Variants in SPTBN1 observed in about 807,000 individuals in gnomAD.
The protein encoded by SPTBN1 is spectrin beta chain, non-erythrocytic 1.
In SPTBN1, 32 loss-of-function variants were observed where a neutral mutation model predicts 266.4. That is an observed-to-expected ratio of 0.12 (90% CI 0.09 to 0.16). SPTBN1 has a LOEUF of 0.16. Ranked by LOEUF, SPTBN1 falls within the 10% of genes least tolerant of loss-of-function variation. SPTBN1 has a pLI of 1.00. For synonymous variants in SPTBN1, 1,336 were observed against 1,162.2 expected, an observed-to-expected ratio of 1.15 and a Z score of -3.04; for missense variants, 2,296 against 3,067.1, an observed-to-expected ratio of 0.75 and a Z score of 5.94.
intron 1 of SPTBN1, among the ~76,000 whole-genome samples, chr2:54,525,711 T>C (rs200064288): frequency 6.6e-6 from 1 of 152,126 alleles, no homozygotes; most frequent in Non-Finnish European, 1.5e-5. Context: ...ACGTAGGTGT[T>C]GATCTACCTC....
At chr2:54,463,635 G>T (rs899869571) in intron 1 of SPTBN1, among the ~76,000 whole-genome samples, 9 of 152,306 alleles carry the variant, frequency 5.9e-5, no homozygotes, top group Admixed American at 5.9e-4. Context: ...GCCAAATGAG[G>T]TAATTCAGCG....
chr2:54,495,232 G>A (rs1297116323), intron 1 of SPTBN1, among the ~76,000 whole-genome samples: 1 of 152,180 alleles, frequency 6.6e-6, no homozygotes, highest in African/African-American at 2.4e-5. Flanking sequence ...GCATTGTTTT[G>A]AAAGCGTTGT....
At chr2:54,600,307 A>G (rs1418753619) in intron 3 of SPTBN1, among the ~76,000 whole-genome samples, 4 of 152,196 alleles carry the variant, frequency 2.6e-5, no homozygotes, top group Non-Finnish European at 5.9e-5. Flanking sequence ...CAGTTCAAGA[A>G]CAGGGCTCTC....
chr2:54,609,513 A>C (rs1302510775), intron 3 of SPTBN1, among the ~76,000 whole-genome samples: 1 of 152,160 alleles, frequency 6.6e-6, no homozygotes, highest in African/African-American at 2.4e-5. Context: ...TAGTCCTCCC[A>C]GATTTTCCTG....
chr2:54,543,260 T>G (rs1419969042), intron 2 of SPTBN1, among the ~76,000 whole-genome samples: 1 of 152,168 alleles, frequency 6.6e-6, no homozygotes, highest in Non-Finnish European at 1.5e-5. Flanking sequence ...TGCAGGAACT[T>G]AAAATAATGT....
chr2:54,590,754 A>G (rs1328152470), intron 2 of SPTBN1, among the ~76,000 whole-genome samples: 1 of 152,232 alleles, frequency 6.6e-6, no homozygotes, highest in Non-Finnish European at 1.5e-5. Flanking sequence ...GGTTGGAACA[A>G]AAGACGGCAT....
chr2:54,642,911 C>G, intron 18 of SPTBN1, 72 bp from the exon 19 acceptor site: 1 of 1,556,868 alleles, frequency 6.4e-7, no homozygotes, highest in Non-Finnish European at 8.7e-7. Flanking sequence ...GACATAAACA[C>G]AACCCTTTCC....
At chr2:54,654,739 T>C (rs1485249156) in intron 27 of SPTBN1, among the ~76,000 whole-genome samples, 1 of 152,254 alleles carries the variant, frequency 6.6e-6, no homozygotes, top group Non-Finnish European at 1.5e-5. Flanking sequence ...AGAGAGTCTT[T>C]CTGACTTGCA....
At chr2:54,607,540 T>C (rs569326795) in intron 3 of SPTBN1, among the ~76,000 whole-genome samples, 3 of 152,122 alleles carry the variant, frequency 2.0e-5, no homozygotes, top group Non-Finnish European at 4.4e-5. Flanking sequence ...GAGAATCTCT[T>C]GAACCCAGGA....
At chr2:54,634,884 CA>C (rs1209669720) in intron 17 of SPTBN1, among the ~76,000 whole-genome samples, 1 of 152,176 alleles carries the variant, frequency 6.6e-6, no homozygotes, top group Non-Finnish European at 1.5e-5. Flanking sequence ...AGACTGTCCT[CA>C]GCCTGCCCCA....
chr2:54,667,731 C>T, intron 35 of SPTBN1, 85 bp downstream of exon 35: 1 of 1,238,756 alleles, frequency 8.1e-7, no homozygotes, highest in Middle Eastern at 2.1e-4. Context: ...GAAAGTTCTT[C>T]ATGTAAATGA....
chr2:54,668,424 C>T lies in SPTBN1; in HGVS notation c.6950C>T (p.Thr2317Ile). ...GATAAACACGAGGTGTCTGCCAGCA[C>T]CCAGAGCACGCCAGCATCCAGCCGC... is the stretch of plus-strand genomic sequence containing the variant. ...SSDKHEVSASTQSTPASSRAQ... is the reference protein window; with the variant it reads ...SSDKHEVSASIQSTPASSRAQ... Residue 2317 changes from threonine (T) to isoleucine (I), a missense_variant, in exon 36 of 36, where the codon ACC (threonine) becomes ATC (isoleucine). By Grantham distance (89) the Thr-to-Ile change is moderately conservative. This residue lies in a region of SPTBN1 where 347 missense variants were observed against 368.5 expected (regional missense o/e 0.94). Transcript: ENST00000356805. 6.2e-7 allele frequency: 1 copy of T among 1,614,186 alleles called. No individual in the cohort carries two copies. The highest frequency in any genetic ancestry group is 8.5e-7 in the Non-Finnish European group (1 of 1,180,032).
At chr2:54,517,395 A>G (rs1670166659) in intron 1 of SPTBN1, among the ~76,000 whole-genome samples, 2 of 150,176 alleles carry the variant, frequency 1.3e-5, no homozygotes, top group African/African-American at 5.1e-5. Context: ...TGGAAGATAA[A>G]ATAATTATGA....
intron 9 of SPTBN1, among the ~76,000 whole-genome samples, chr2:54,623,277 C>G (rs1256112121): frequency 6.6e-6 from 1 of 152,198 alleles, no homozygotes; most frequent in Non-Finnish European, 1.5e-5. Flanking sequence ...TTGACACCCT[C>G]AAATATAAAT....
intron 2 of SPTBN1, among the ~76,000 whole-genome samples, chr2:54,551,581 T>C (rs766500785): frequency 6.6e-6 from 1 of 152,236 alleles, no homozygotes; most frequent in African/African-American, 2.4e-5. Context: ...GCCGTTTTTC[T>C]CCTCAGCAGT....
intron 1 of SPTBN1, among the ~76,000 whole-genome samples, chr2:54,473,877 C>T (rs760737542): frequency 3.9e-5 from 6 of 152,180 alleles, no homozygotes; most frequent in Non-Finnish European, 8.8e-5. Context: ...CTGGCACAAG[C>T]TTATAGGACT....
chr2:54,505,701 T>A (rs1573293302), intron 1 of SPTBN1, among the ~76,000 whole-genome samples: 1 of 152,106 alleles, frequency 6.6e-6, no homozygotes, highest in South Asian at 2.1e-4. Flanking sequence ...GTACCTGGGG[T>A]GATTTAACTT....
At position 54,653,739 on chromosome 2, in the gene SPTBN1, G is replaced by T; in HGVS notation, c.5708G>T (p.Arg1903Leu). The T allele has an allele frequency of 2.5e-6, 4 of 1,614,208 alleles. No homozygotes were observed. The highest frequency in any genetic ancestry group is 3.4e-6 in the Non-Finnish European group (4 of 1,180,018). The change falls in exon 27 of 36, where the codon CGC becomes CTC. Residue 1903 changes from arginine to leucine, a missense_variant. Transcript: ENST00000356805. This position sits in a 1 kb window ranked among gnomAD's most constrained non-coding sequence, Gnocchi z 5.1. ...WKSLLDACESRRVRLVDTGDK... is the reference protein window; with the variant it reads ...WKSLLDACESLRVRLVDTGDK... ...TCCCTCCTGGACGCCTGTGAGAGCC[G>T]CAGGGTGCGGCTGGTGGACACAGGG...
At position 54,644,627 on chromosome 2, in the gene SPTBN1, T is replaced by C. The variant is rs1290959594; in HGVS notation, c.4269+41T>C. The C allele has an allele frequency of 1.9e-6, 3 of 1,570,780 alleles. No homozygotes were observed. In the African/African-American group the frequency reaches 4.1e-5, roughly 21 times the overall value. On this transcript the variant is annotated intron_variant, in intron 20 of 35. Transcript: ENST00000356805. ...ATCATGGACTTGGGTGTATTTCTGT[T>C]TTACAGCCATAGTCCTTAGAGTCTT...
Sources: allele counts gnomAD v4.1 joint callset (sites outside exome capture counted in the v4.1 genomes callset), GRCh38; gene constraint gnomAD v4.1.1; regional missense constraint gnomAD v4.1.1; non-coding constraint Gnocchi (gnomAD v3.1); transcripts MANE v1.5; gene names NCBI Gene and HGNC (gene_info 2026-07-23, HGNC 2026-07-21).